IGFN1: variants seen among roughly 807,000 people sequenced by gnomAD.
The protein encoded by IGFN1 is immunoglobulin-like and fibronectin type III domain-containing protein 1.
In IGFN1, 253 loss-of-function variants were observed where a neutral mutation model predicts 289.5. The observed-to-expected ratio is 0.87, with a 90% CI of 0.79 to 0.97. IGFN1 has a LOEUF of 0.97. IGFN1 is among the 50% of genes least tolerant of loss of function. IGFN1 has a pLI of 0.00. For missense variants in IGFN1, 4,470 were observed against 4,686.1 expected (o/e 0.95, Z 1.35); for synonymous variants, 1,706 against 1,788.5 (o/e 0.95, Z 1.16).
Position 201,226,920 on chromosome 1 carries a change from G to C in IGFN1, c.10825G>C (p.Asp3609His), listed in dbSNP as rs760981495. ...TVKAPCYREP[D>H]LSQKPRFLVG... ...GAAGGCTCCGTGCTACCGGGAGCCC[G>C]ACCTGAGCCAGAAGCCCCGGTTCCT... The change falls in exon 23 of 24, where the codon GAC becomes CAC. Residue 3609 changes from aspartate to histidine, a missense_variant. Around this residue, in one of 8 missense-constraint regions of IGFN1, gnomAD observed 2,218 missense variants for 2,114.1 expected, o/e 1.05. Coordinates refer to ENST00000335211, the MANE Select transcript of IGFN1 (RefSeq NM_001164586.2). The C allele has an allele frequency of 2.5e-6, 4 of 1,608,550 alleles. No homozygotes were observed. In the Admixed American group the frequency reaches 6.7e-5, roughly 27 times the overall value.
chr1:201,213,792 C>G (rs1258235454), intron 12 of IGFN1, among the ~76,000 whole-genome samples, 171 bp downstream of exon 12: 5 of 152,166 alleles, frequency 3.3e-5, no homozygotes, highest in Admixed American at 3.3e-4. Context: ...CAACCTCTTC[C>G]TCTTTACGCA....
intron 21 of IGFN1, among the ~76,000 whole-genome samples, chr1:201,225,299 CAAA>C (rs1654004025): frequency 6.6e-6 from 1 of 152,190 alleles, no homozygotes; most frequent in Non-Finnish European, 1.5e-5. Context: ...CAGAAATGAT[CAAA>C]TAGACTAACA....
In IGFN1 at chr1:201,201,845, G is replaced by A. The variant is rs1217635226; in HGVS notation, c.747+13G>A. 4 of 1,210,510 alleles carry A rather than the reference G, an allele frequency of 3.3e-6. No individual in the cohort carries two copies. The highest frequency in any genetic ancestry group is 2.5e-5 in the East Asian group (1 of 39,238). 75.0% of individuals were successfully genotyped at this position (1,210,510 alleles called of 1,614,324 possible). A position where few individuals can be genotyped will look rare whatever the true frequency, so the allele number is the denominator to read the frequency against. On this transcript the variant is annotated intron_variant, in intron 9 of 23. Coordinates refer to ENST00000335211, the MANE Select transcript of IGFN1 (RefSeq NM_001164586.2). The stretch of plus-strand genomic sequence containing the variant: ...TTACCTGTATAAGGTGAGGCTGGAG[G>A]GGCTATGGGTGGGGGGGATCTGGCA...
Position 201,211,844 on chromosome 1 carries a change from G to A in IGFN1, c.6951G>A (p.Trp2317Ter). 5.9e-6 allele frequency: 9 copies of A among 1,536,292 alleles called. No homozygotes were observed. Among genetic ancestry groups the A allele is most frequent in the Non-Finnish European group, 7.9e-6 (9 of 1,146,438 alleles). The change falls in exon 12 of 24, where the codon TGG becomes TGA. Residue 2317 changes from tryptophan (W) to a stop codon, truncating the protein, a stop_gained. Coordinates refer to ENST00000335211, the MANE Select transcript of IGFN1 (RefSeq NM_001164586.2). LOFTEE classifies it high-confidence loss of function. ...SLEDSGYILS[W>*]NEAGSRQGFG... ...AGGATTCTGGGTACATTTTGTCATG[G>A]AATGAGGCAGGTTCTAGGCAAGGCT...
At chr1:201,198,691 T>C (rs1482322018) in intron 5 of IGFN1, among the ~76,000 whole-genome samples, 1 of 152,126 alleles carries the variant, frequency 6.6e-6, no homozygotes. Context: ...CCTCCCAAAA[T>C]GCTGGGATTA....
chr1:201,192,330 G>A (rs1002069782), intron 1 of IGFN1, among the ~76,000 whole-genome samples: 25 of 152,184 alleles, frequency 1.6e-4, no homozygotes, highest in African/African-American at 5.8e-4. Context: ...AAATGGAACC[G>A]CTTGGCCATG....
chr1:201,213,243 G>A lies in IGFN1; in HGVS notation c.8350G>A (p.Glu2784Lys), dbSNP rs777481470. 35 of 1,551,838 alleles carry A rather than the reference G, an allele frequency of 2.3e-5. 1 individual carries two copies. Among genetic ancestry groups the A allele is most frequent in the Non-Finnish European group, 3.1e-5 (35 of 1,147,092 alleles). Residue 2784 changes from glutamate to lysine, a missense_variant, in exon 12 of 24, where the codon GAG becomes AAG. This residue lies in a region of IGFN1 where 2,218 missense variants were observed against 2,114.1 expected (regional missense o/e 1.05). Coordinates refer to ENST00000335211, the MANE Select transcript of IGFN1 (RefSeq NM_001164586.2). ...SLGEQGSLEA[E>K]NGEVQGPGAL... Reference sequence around the variant, plus strand: ...CGGGGAGCAGGGGTCCCTGGAGGCTGAGAATGGTGAGGTCCAGGGTCCTGG... The same window carrying A: ...CGGGGAGCAGGGGTCCCTGGAGGCTAAGAATGGTGAGGTCCAGGGTCCTGG...
In IGFN1 at chr1:201,207,800, C is replaced by A. The variant is rs377263806; in HGVS notation, c.2907C>A (p.Ser969Arg). ...LGYSREISSK[S>R]GAGYSYGSGV... ...ATTCTAGGGAAATAAGCTCTAAAAGCGGGGCTGGTTATAGCTATGGCTCAG... is the reference window on the plus strand; with the variant it reads ...ATTCTAGGGAAATAAGCTCTAAAAGAGGGGCTGGTTATAGCTATGGCTCAG... Residue 969 changes from serine to arginine, a missense_variant, in exon 12 of 24, where the codon AGC (serine) becomes AGA (arginine). This residue lies in a region of IGFN1 where 2,011 missense variants were observed against 1,953.4 expected (regional missense o/e 1.03). Transcript: ENST00000335211. The A allele has an allele frequency of 3.3e-6, 5 of 1,535,730 alleles. No homozygotes were observed. The African/African-American group carries it at 5.5e-5, about 17-fold the overall frequency.
At chr1:201,204,002 G>A (rs184014053) in intron 10 of IGFN1, 96 bp downstream of exon 10, 1 of 1,147,130 alleles carries the variant, frequency 8.7e-7, no homozygotes, top group Non-Finnish European at 1.2e-6. Context: ...TAAATGTGAT[G>A]TGGCCCCAGC....
intron 3 of IGFN1, among the ~76,000 whole-genome samples, chr1:201,195,093 C>T (rs1381184413): frequency 1.3e-5 from 2 of 152,050 alleles, no homozygotes; most frequent in African/African-American, 4.8e-5. Context: ...ACTCCTTCTC[C>T]TAGTTGTGAT....
intron 3 of IGFN1, 46 bp from the exon 4 acceptor site, chr1:201,195,793 C>T (rs1221624625): frequency 6.5e-7 from 1 of 1,530,028 alleles, no homozygotes; most frequent in Admixed American, 2.0e-5. Flanking sequence ...ATACAGTCAC[C>T]CTCTCCCAAC....
Position 201,209,148 on chromosome 1 carries a change from G to A in IGFN1, c.4255G>A (p.Glu1419Lys). 6.6e-7 allele frequency: 1 copy of A among 1,524,008 alleles called. No individual in the cohort carries two copies. Among genetic ancestry groups the A allele is most frequent in the Non-Finnish European group, 8.8e-7 (1 of 1,141,486 alleles). 94.4% of individuals were successfully genotyped at this position (1,524,008 alleles called of 1,614,324 possible). ...GHRNGIGGYG[E>K]MGSGYREDLG... ...TAGGAATGGGATTGGAGGTTATGGG[G>A]AAATGGGGTCAGGTTATAGGGAGGA... Residue 1419 changes from glutamate to lysine, a missense_variant, in exon 12 of 24, where the codon GAA becomes AAA. Physicochemically the swap from Glu to Lys is moderately conservative, Grantham distance 56. Coordinates refer to ENST00000335211, the MANE Select transcript of IGFN1 (RefSeq NM_001164586.2).
Position 201,212,060 on chromosome 1 carries a change from G to A in IGFN1, c.7167G>A (p.Arg2389=), listed in dbSNP as rs373366027. 1.8e-5 allele frequency: 28 copies of A among 1,536,412 alleles called. No homozygotes were observed. In the African/African-American group the frequency reaches 2.5e-4, roughly 14 times the overall value. Reference sequence around the variant, plus strand: ...GAGGCCATAAAGCCATGGGTCACAGGTCAGGATATTGGGTAGCATCAGAGG... The same window carrying A: ...GAGGCCATAAAGCCATGGGTCACAGATCAGGATATTGGGTAGCATCAGAGG... The part of the protein sequence containing the change: ...GPRGHKAMGH[R]SGYWVASEGD... The change falls in exon 12 of 24, where the codon AGG becomes AGA. Residue 2389 remains arginine, a synonymous_variant. Coordinates refer to ENST00000335211, the MANE Select transcript of IGFN1 (RefSeq NM_001164586.2).
rs758643644 is a variant in IGFN1 at position 201,216,475 on chromosome 1, G to C, written c.9317G>C (p.Gly3106Ala). ...CCAGACAAGCCTGATCCCCCACAAG[G>C]CCCCATGGAGGTTCAGGATTGCCAT... The part of the protein sequence containing the change: ...QVIDKPDPPQ[G>A]PMEVQDCHRA... Residue 3106 changes from glycine to alanine, a missense_variant, in exon 16 of 24, where the codon GGC (glycine) becomes GCC (alanine). By Grantham distance (60) the Gly-to-Ala change is moderately conservative. Coordinates refer to ENST00000335211, the MANE Select transcript of IGFN1 (RefSeq NM_001164586.2). The C allele has an allele frequency of 1.3e-6, 2 of 1,586,006 alleles. No individual in the cohort carries two copies. Among genetic ancestry groups the C allele is most frequent in the Non-Finnish European group, 1.7e-6 (2 of 1,166,834 alleles).
chr1:201,206,043 G>A (rs1386401878), intron 11 of IGFN1, 40 bp from the exon 12 acceptor site: 1 of 1,344,252 alleles, frequency 7.4e-7, no homozygotes, highest in South Asian at 1.3e-5. Flanking sequence ...GTCTCTCCAT[G>A]TGGGCACTGA....
In IGFN1 at chr1:201,212,431, A is replaced by G; in HGVS notation, c.7538A>G (p.Asp2513Gly). The change falls in exon 12 of 24, where the codon GAT (aspartate) becomes GGT (glycine). Residue 2513 changes from aspartate to glycine, a missense_variant. Physicochemically the swap from Asp to Gly is moderately conservative, Grantham distance 94 (BLOSUM62 -1). Transcript: ENST00000335211. ...SRDRGAPRVK[D>G]RSPDQAGIMG... ...GACAGAGGGGCTCCCAGGGTGAAGG[A>G]TAGGTCTCCAGACCAAGCAGGGATA... The G allele has an allele frequency of 6.5e-7, 1 of 1,537,172 alleles. No homozygotes were observed. Among genetic ancestry groups the G allele is most frequent in the Non-Finnish European group, 8.7e-7 (1 of 1,146,816 alleles).
At chr1:201,216,948 G>C (rs1653349240) in intron 16 of IGFN1, among the ~76,000 whole-genome samples, 195 bp downstream of exon 16, 1 of 152,120 alleles carries the variant, frequency 6.6e-6, no homozygotes, top group Non-Finnish European at 1.5e-5. Context: ...GTGTTTTACA[G>C]AGTCTCCAGG....
intron 7 of IGFN1, among the ~76,000 whole-genome samples, chr1:201,199,856 C>G (rs1353946120): frequency 6.6e-6 from 1 of 152,156 alleles, no homozygotes; most frequent in Middle Eastern, 3.4e-3. Flanking sequence ...TTTCAAAGCT[C>G]TATATCCTTG....
intron 17 of IGFN1, among the ~76,000 whole-genome samples, 196 bp downstream of exon 17, chr1:201,217,656 G>A (rs1198921840): frequency 6.6e-6 from 1 of 152,184 alleles, no homozygotes; most frequent in Non-Finnish European, 1.5e-5. Context: ...GGTCGGGGAT[G>A]CTGCAAAACC....
Sources: allele counts gnomAD v4.1 joint callset (sites outside exome capture counted in the v4.1 genomes callset), GRCh38; gene constraint gnomAD v4.1.1; regional missense constraint gnomAD v4.1.1; transcripts MANE v1.5; gene names NCBI Gene and HGNC (gene_info 2026-07-23, HGNC 2026-07-21).